Variants in ZNF804A observed in about 807,000 individuals in gnomAD.
ZNF804A encodes zinc finger protein 804A.
In ZNF804A, 2 loss-of-function variants were observed where a neutral mutation model predicts 16.5. The observed-to-expected ratio is 0.12, with a 90% CI of 0.05 to 0.38. The LOEUF is 0.38. Among genes scored for constraint, ZNF804A ranks in the 10% least tolerant of loss-of-function variants. ZNF804A has a pLI of 0.99. For missense variants in ZNF804A, 1,473 were observed against 1,390.7 expected (o/e 1.06, Z -0.94); for synonymous variants, 534 against 489.6 (o/e 1.09, Z -1.20).
At chr2:184,639,231 G>C (rs1468414724) in intron 1 of ZNF804A, among the ~76,000 whole-genome samples, 2 of 151,682 alleles carry the variant, frequency 1.3e-5, no homozygotes, top group African/African-American at 4.8e-5. Flanking sequence ...CCACCACCAC[G>C]CCCAGCTAAT....
At chr2:184,639,249 T>C (rs888850267) in intron 1 of ZNF804A, among the ~76,000 whole-genome samples, 1 of 151,906 alleles carries the variant, frequency 6.6e-6, no homozygotes, top group Non-Finnish European at 1.5e-5. Context: ...AATTTTGGTA[T>C]TTTTAGCAGA....
At chr2:184,697,266 T>C (rs563505852) in intron 1 of ZNF804A, among the ~76,000 whole-genome samples, 15 of 152,010 alleles carry the variant, frequency 9.9e-5, no homozygotes, top group African/African-American at 3.1e-4. Context: ...ATAATGAAGC[T>C]AAAAAAATAT....
At chr2:184,889,963 A>G (rs1232980804) in intron 2 of ZNF804A, among the ~76,000 whole-genome samples, 3 of 152,082 alleles carry the variant, frequency 2.0e-5, no homozygotes, top group Non-Finnish European at 2.9e-5. Context: ...TTTTGTAACA[A>G]TTTGGAAAAT....
chr2:184,652,764 C>T (rs947606308), intron 1 of ZNF804A, among the ~76,000 whole-genome samples: 62 of 152,126 alleles, frequency 4.1e-4, no homozygotes, highest in African/African-American at 1.5e-3. Context: ...CCATAATCCC[C>T]ATGTGTTATG....
At chr2:184,932,244 C>T (rs925132330) in intron 2 of ZNF804A, among the ~76,000 whole-genome samples, 1 of 152,264 alleles carries the variant, frequency 6.6e-6, no homozygotes, top group Non-Finnish European at 1.5e-5. Flanking sequence ...ACAGCAGCAC[C>T]CCACTACCCA....
intron 1 of ZNF804A, among the ~76,000 whole-genome samples, chr2:184,667,292 G>A (rs1238357697): frequency 6.6e-6 from 1 of 151,822 alleles, no homozygotes; most frequent in Non-Finnish European, 1.5e-5. Flanking sequence ...CTCTTGTATA[G>A]ACTTTCATTA....
chr2:184,900,700 A>G (rs1464223004), intron 2 of ZNF804A, among the ~76,000 whole-genome samples: 1 of 152,122 alleles, frequency 6.6e-6, no homozygotes, highest in Non-Finnish European at 1.5e-5. Context: ...GAAGACTGGG[A>G]ATGCTTTGGG....
intron 1 of ZNF804A, among the ~76,000 whole-genome samples, chr2:184,742,200 T>C (rs911619894): frequency 1.3e-5 from 2 of 151,992 alleles, no homozygotes; most frequent in African/African-American, 4.8e-5. Flanking sequence ...AGACAAGTAT[T>C]TTTGTGCATT....
At chr2:184,635,892 T>A (rs1163440285) in intron 1 of ZNF804A, among the ~76,000 whole-genome samples, 5 of 152,174 alleles carry the variant, frequency 3.3e-5, no homozygotes, top group Non-Finnish European at 7.4e-5. Context: ...AGATTGTTAA[T>A]TTGCATCTAT....
chr2:184,885,103 A>G (rs1192152454), intron 2 of ZNF804A, among the ~76,000 whole-genome samples: 3 of 152,206 alleles, frequency 2.0e-5, no homozygotes, highest in Non-Finnish European at 4.4e-5. Context: ...AAAAATGAAC[A>G]TCACTAATCA....
At chr2:184,835,098 C>T (rs559127189) in intron 1 of ZNF804A, among the ~76,000 whole-genome samples, 3 of 152,058 alleles carry the variant, frequency 2.0e-5, no homozygotes, top group African/African-American at 7.2e-5. Context: ...AGAAGAAGAC[C>T]CAGGAAGATG....
intron 2 of ZNF804A, among the ~76,000 whole-genome samples, chr2:184,896,555 G>A (rs1685072958): frequency 1.3e-5 from 2 of 152,100 alleles, no homozygotes; most frequent in South Asian, 4.1e-4. Context: ...TTGCCAGGAG[G>A]TCTGTCATTA....
intron 1 of ZNF804A, among the ~76,000 whole-genome samples, chr2:184,832,683 CAAAT>C (rs1695283532): frequency 6.6e-6 from 1 of 151,512 alleles, no homozygotes; most frequent in South Asian, 2.1e-4. Flanking sequence ...TTTCATCCCC[CAAAT>C]AGACATCTAT....
intron 1 of ZNF804A, among the ~76,000 whole-genome samples, chr2:184,723,976 A>G (rs1047343529): frequency 3.3e-5 from 5 of 151,778 alleles, no homozygotes; most frequent in Non-Finnish European, 7.4e-5. Flanking sequence ...ACATACTTAG[A>G]AATTAATGAA....
intron 1 of ZNF804A, among the ~76,000 whole-genome samples, chr2:184,676,552 G>T (rs941497179): frequency 4.0e-5 from 6 of 151,546 alleles, no homozygotes; most frequent in Non-Finnish European, 8.9e-5. Context: ...AAATAATTTT[G>T]TATTATATGT....
At chr2:184,816,686 A>G (rs920154534) in intron 1 of ZNF804A, among the ~76,000 whole-genome samples, 3 of 151,972 alleles carry the variant, frequency 2.0e-5, no homozygotes, top group Admixed American at 6.6e-5. Context: ...TGTTACCGTT[A>G]TCTCCCCTGA....
intron 1 of ZNF804A, among the ~76,000 whole-genome samples, chr2:184,601,179 T>A (rs561386674): frequency 1.3e-5 from 2 of 152,198 alleles, no homozygotes; most frequent in Admixed American, 1.3e-4. Flanking sequence ...TACAAGATAA[T>A]ATATTCATCT....
intron 1 of ZNF804A, among the ~76,000 whole-genome samples, chr2:184,649,126 A>G (rs565437020): frequency 6.6e-6 from 1 of 152,276 alleles, no homozygotes; most frequent in South Asian, 2.1e-4. Flanking sequence ...CAATACCAAG[A>G]TCTCTCAAAA....
At chr2:184,803,702 T>A (rs1438040233) in intron 1 of ZNF804A, among the ~76,000 whole-genome samples, 1 of 152,200 alleles carries the variant, frequency 6.6e-6, no homozygotes, top group Non-Finnish European at 1.5e-5. Context: ...ATTTAATTCC[T>A]CATACTTCAA....
Sources: allele counts gnomAD v4.1 joint callset (sites outside exome capture counted in the v4.1 genomes callset), GRCh38; gene constraint gnomAD v4.1.1; transcripts MANE v1.5; gene names NCBI Gene and HGNC (gene_info 2026-07-23, HGNC 2026-07-21).